Variants in PRKDC observed in about 807,000 individuals in gnomAD.
PRKDC encodes the protein DNA-dependent protein kinase catalytic subunit.
PRKDC carries 82 observed loss-of-function variants against 486.9 expected under a neutral mutation model. The observed-to-expected ratio is 0.17, with a 90% CI of 0.14 to 0.20. The LOEUF (loss-of-function observed/expected upper bound fraction) is 0.20. Among genes scored for constraint, PRKDC ranks in the 10% least tolerant of loss-of-function variants. The pLI is 1.00. For synonymous variants in PRKDC, 1,895 were observed against 1,837.0 expected (o/e 1.03, Z -0.81); for missense variants, 4,504 against 5,038.2 (o/e 0.89, Z 3.21).
At chr8:47,818,880 T>TGGCC (rs2087515570) in intron 67 of PRKDC, among the ~76,000 whole-genome samples, 1 of 152,200 alleles carries the variant, frequency 6.6e-6, no homozygotes, top group Non-Finnish European at 1.5e-5. Flanking sequence ...GACTCTTGGG[T>TGGCC]GGCCTCCCAT....
Position 47,778,893 on chromosome 8 carries a change from A to G in PRKDC, c.11580-94T>C, listed in dbSNP as rs193083438. 89 of 1,461,584 alleles carry G rather than the reference A, an allele frequency of 6.1e-5. No homozygotes were observed. The African/African-American group carries it at 1.1e-3, about 19-fold the overall frequency. 90.5% of individuals were successfully genotyped at this position (1,461,584 alleles called of 1,614,324 possible). ...TTTTTGTTTATATTGAGACTCAAAT[A>G]TCGAATAATCTTGATGATCTCTCTG... On this transcript the variant is annotated intron_variant, in intron 81 of 85. Coordinates refer to ENST00000314191, the MANE Select transcript of PRKDC (RefSeq NM_006904.7).
At chr8:47,879,414 C>G in intron 39 of PRKDC, 77 bp downstream of exon 39, 3 of 1,314,810 alleles carry the variant, frequency 2.3e-6, no homozygotes, top group South Asian at 3.0e-5. Flanking sequence ...ATATTTTACT[C>G]ACCTCTTTTC....
At chr8:47,892,340 AT>A (rs1462169329) in intron 31 of PRKDC, among the ~76,000 whole-genome samples, 1 of 151,796 alleles carries the variant, frequency 6.6e-6, no homozygotes, top group Non-Finnish European at 1.5e-5. Flanking sequence ...ACAGAAGAAA[AT>A]TTTTTTTGAG....
At chr8:47,799,473 C>G in intron 71 of PRKDC, 83 bp from the exon 72 acceptor site, 3 of 1,272,538 alleles carry the variant, frequency 2.4e-6, no homozygotes, top group Non-Finnish European at 3.1e-6. Flanking sequence ...ACTCATGACA[C>G]ATAAATGGAT....
chr8:47,885,950 G>C lies in PRKDC; in HGVS notation c.4770C>G (p.Thr1590=), dbSNP rs2089318603. Residue 1590 remains threonine (T), a synonymous_variant, in exon 36 of 86, where the codon ACC becomes ACG. Coordinates refer to ENST00000314191, the MANE Select transcript of PRKDC (RefSeq NM_006904.7). ...LELMQSSVDN[T]KMVSAVLNGM... ...TAAAGGGAAACTTTGTTACCATTTT[G>C]GTATTATCCACTGAAGACTGCATGA... 1.2e-6 allele frequency: 2 copies of C among 1,610,996 alleles called. No homozygotes were observed. The highest frequency in any genetic ancestry group is 2.2e-5 in the East Asian group (1 of 44,858).
chr8:47,906,985 T>A (rs1429331805), intron 25 of PRKDC, among the ~76,000 whole-genome samples: 1 of 151,542 alleles, frequency 6.6e-6, no homozygotes, highest in African/African-American at 2.4e-5. Context: ...TAACTTTCAG[T>A]TTGAAAGTTT....
At position 47,773,304 on chromosome 8, in the gene PRKDC, A is replaced by C. The variant is rs1406533337; in HGVS notation, c.*869T>G. On this transcript the variant is annotated 3_prime_UTR_variant, in exon 86 of 86. Coordinates refer to ENST00000314191, the MANE Select transcript of PRKDC (RefSeq NM_006904.7). ...GGAAGGAGCCACTTTTGTATTCCAT[A>C]ATTTCATCTTGTTGTGCTAGAATGC... 4.4e-6 allele frequency: 1 copy of C among 226,312 alleles called. No individual in the cohort carries two copies. The highest frequency in any genetic ancestry group is 6.4e-5 in the East Asian group (1 of 15,518). The allele number at this position is 226,312 out of a possible 1,614,324, so 14.0% of individuals were successfully genotyped here.
At chr8:47,816,198 G>C (rs2087438624) in intron 68 of PRKDC, among the ~76,000 whole-genome samples, 1 of 142,662 alleles carries the variant, frequency 7.0e-6, no homozygotes, top group South Asian at 2.2e-4. Flanking sequence ...TGGGCAAAAA[G>C]ACTGCATCAA....
chr8:47,873,681 G>A (rs571495833), intron 40 of PRKDC, among the ~76,000 whole-genome samples: 18 of 152,252 alleles, frequency 1.2e-4, no homozygotes, highest in African/African-American at 4.3e-4. Context: ...CCATCAAAAA[G>A]GAATGAGATA....
rs2086843318 is a variant in PRKDC, at chr8:47,789,208, C to T, written c.10701G>A (p.Val3567=). 2 of 1,606,486 alleles carry T rather than the reference C, an allele frequency of 1.2e-6. No individual in the cohort carries two copies. The highest frequency in any genetic ancestry group is 1.3e-5 in the African/African-American group (1 of 74,752). Residue 3567 remains valine (V), a synonymous_variant, in exon 75 of 86, where the codon GTG becomes GTA. Coordinates refer to ENST00000314191, the MANE Select transcript of PRKDC (RefSeq NM_006904.7). ...RIKSKLDQGG[V]IQDFINALDQ... ...CTAAGGCATTAATAAAATCTTGAAT[C>T]ACTCCTCCTTGATCCAACTTACTTT...
chr8:47,796,236 A>G (rs1174714799), intron 73 of PRKDC, among the ~76,000 whole-genome samples: 2 of 152,100 alleles, frequency 1.3e-5, no homozygotes, highest in Admixed American at 6.6e-5. Flanking sequence ...ACTACTTTCT[A>G]AAGTCTTTAC....
Position 47,943,979 on chromosome 8 carries a change from G to A in PRKDC, c.772C>T (p.Pro258Ser), listed in dbSNP as rs868338036. 1 of 1,563,746 alleles carries A rather than the reference G, an allele frequency of 6.4e-7. No individual in the cohort carries two copies. Among genetic ancestry groups the A allele is most frequent in the Non-Finnish European group, 8.7e-7 (1 of 1,152,456 alleles). Residue 258 changes from proline to serine, a missense_variant, in exon 8 of 86, where the codon CCT becomes TCT. Around this residue, in one of 6 missense-constraint regions of PRKDC, gnomAD observed 1,969 missense variants for 2,068.9 expected, o/e 0.95. Transcript: ENST00000314191. ...AATAGTAATATTAATCCTACCTGAG[G>A]ACGAATTGCCTTTAGTACAAAATTA... ...IFNFVLKAIR[P>S]QIDLKRYAVP...
At chr8:47,959,062 TA>T (rs1206959995) in intron 1 of PRKDC, 1 of 152,128 alleles carries the variant, frequency 6.6e-6, no homozygotes, top group Non-Finnish European at 1.5e-5. Flanking sequence ...TTAAACTGTT[TA>T]AGTTATTCCT....
intron 54 of PRKDC, among the ~76,000 whole-genome samples, chr8:47,845,598 AAAAC>A (rs535986915): frequency 2.7e-4 from 41 of 152,142 alleles, no homozygotes; most frequent in African/African-American, 7.9e-4. Context: ...CCAGAAATTA[AAAAC>A]AAACAAACAA....
intron 26 of PRKDC, among the ~76,000 whole-genome samples, chr8:47,903,652 G>A (rs2089724963): frequency 6.6e-6 from 1 of 152,158 alleles, no homozygotes; most frequent in Non-Finnish European, 1.5e-5. Context: ...GTGCTACCGA[G>A]TTCATGCTGC....
chr8:47,819,029 T>C (rs1332283566), intron 67 of PRKDC, among the ~76,000 whole-genome samples: 1 of 152,140 alleles, frequency 6.6e-6, no homozygotes, highest in East Asian at 1.9e-4. Flanking sequence ...ACCACAGCTT[T>C]CCGTCTGCAA....
At chr8:47,921,728 A>G (rs1280727753) in intron 21 of PRKDC, among the ~76,000 whole-genome samples, 1 of 152,182 alleles carries the variant, frequency 6.6e-6, no homozygotes, top group Non-Finnish European at 1.5e-5. Context: ...TATATAATTA[A>G]CAAGTGGTTG....
At chr8:47,955,985 A>G in intron 3 of PRKDC, 37 bp from the exon 4 acceptor site, 2 of 1,431,564 alleles carry the variant, frequency 1.4e-6, no homozygotes, top group South Asian at 1.3e-5. Context: ...AATCATCAAT[A>G]AGATATAAAA....
At chr8:47,792,626 C>A (rs1214295452) in intron 74 of PRKDC, among the ~76,000 whole-genome samples, 1 of 152,030 alleles carries the variant, frequency 6.6e-6, no homozygotes, top group East Asian at 1.9e-4. Context: ...GTTTATAACA[C>A]AAAGAAATGA....
Sources: gnomAD v4.1 joint callset for allele counts (sites outside exome capture counted in the v4.1 genomes callset) on GRCh38, gnomAD v4.1.1 for gene constraint, gnomAD v4.1.1 regional missense constraint, MANE v1.5 for transcripts, NCBI Gene and HGNC (gene_info 2026-07-23, HGNC 2026-07-21) for gene names.